Variants in SYT2 observed in about 807,000 individuals in gnomAD.
The protein encoded by SYT2 is synaptotagmin-2.
A neutral mutation model predicts 39.9 loss-of-function variants in SYT2; 15 were observed. That is an observed-to-expected ratio of 0.38 (90% CI 0.25 to 0.58). The LOEUF (loss-of-function observed/expected upper bound fraction) is 0.58. Ranked by LOEUF, SYT2 falls within the 20% of genes least tolerant of loss-of-function variation. The pLI is 0.70. For missense variants in SYT2, 389 were observed against 530.3 expected, an observed-to-expected ratio of 0.73 and a Z score of 2.62; for synonymous variants, 181 against 204.5, an observed-to-expected ratio of 0.89 and a Z score of 0.98.
Position 202,631,854 on chromosome 1 carries a change from C to T in SYT2, c.-17-26065G>A, listed in dbSNP as rs147304507. Among the ~76,000 whole-genome samples the T allele has an allele frequency of 6.5e-3, 992 of 152,250 alleles. 12 individuals are homozygous for T. Among genetic ancestry groups the T allele is most frequent in the African/African-American group, 0.023 (955 of 41,546 alleles). ...ACAGGACTCAGGTAAGGGGACACAG[C>T]GCTGACCTAGATGAAATTTGAGGTC... On this transcript the variant is annotated intron_variant, in intron 1 of 8. Coordinates refer to ENST00000367268, the MANE Select transcript of SYT2 (RefSeq NM_177402.5).
chr1:202,610,172 G>A (rs1390208282), intron 1 of SYT2, among the ~76,000 whole-genome samples: 1 of 152,110 alleles, frequency 6.6e-6, no homozygotes, highest in Non-Finnish European at 1.5e-5. Context: ...GTTTTTGTCA[G>A]GTTTGTCAAA....
chr1:202,632,944 G>C (rs1164167006), intron 1 of SYT2: 4 of 152,224 alleles, frequency 2.6e-5, no homozygotes, highest in African/African-American at 9.6e-5. Context: ...TGTATGTTAT[G>C]TGTTTGGCAC....
intron 1 of SYT2, among the ~76,000 whole-genome samples, chr1:202,640,790 G>GAGAGACAGAC (rs1691893942): frequency 1.7e-5 from 2 of 120,014 alleles, no homozygotes; most frequent in Admixed American, 8.4e-5. Flanking sequence ...GAGAGAGAGA[G>GAGAGACAGAC]AGACAGACAG....
chr1:202,655,021 G>A (rs1692254898), intron 1 of SYT2, among the ~76,000 whole-genome samples: 2 of 152,148 alleles, frequency 1.3e-5, no homozygotes, highest in South Asian at 4.1e-4. Flanking sequence ...TGTACTATGG[G>A]CCAAATGGGG....
intron 1 of SYT2, among the ~76,000 whole-genome samples, chr1:202,687,383 G>A (rs1318541571): frequency 1.3e-5 from 2 of 152,128 alleles, no homozygotes; most frequent in African/African-American, 4.8e-5. Flanking sequence ...ATCTCTACGT[G>A]AGTTACTCTC....
intron 1 of SYT2, among the ~76,000 whole-genome samples, chr1:202,686,480 T>G (rs1463682593): frequency 6.6e-6 from 1 of 152,136 alleles, no homozygotes; most frequent in African/African-American, 2.4e-5. Flanking sequence ...CTTCTCTCTT[T>G]CCTTCTTGAA....
In SYT2 at chr1:202,617,931, G is replaced by A. The variant is rs117699300; in HGVS notation, c.-17-12142C>T. Reference sequence around the variant, plus strand: ...TTGTTGTTGTTGTTGTTGAGATGGAGTCTCGCTGTCTGCCAGGCTGGAGTG... The same window carrying A: ...TTGTTGTTGTTGTTGTTGAGATGGAATCTCGCTGTCTGCCAGGCTGGAGTG... On this transcript the variant is annotated intron_variant, in intron 1 of 8. Transcript: ENST00000367268. 7.9e-4 allele frequency among the ~76,000 whole-genome samples: 121 copies of A among 152,244 alleles called. 1 individual carries two copies. The South Asian group carries it at 0.012, about 15-fold the overall frequency.
intron 1 of SYT2, among the ~76,000 whole-genome samples, chr1:202,687,549 G>A (rs569188926): frequency 2.7e-4 from 41 of 151,860 alleles, no homozygotes; most frequent in African/African-American, 9.2e-4. Context: ...GCACCTCTGC[G>A]GAAGAGGGCC....
Position 202,666,014 on chromosome 1 carries a change from G to A in SYT2, c.-18+44244C>T, listed in dbSNP as rs376654305. ...TAAAAATACAAAAAATTAGCCGGGC[G>A]TGGTGGCGGGCGCCTGTAGTCCCAG... is the stretch of plus-strand genomic sequence containing the variant. On this transcript the variant is annotated intron_variant, in intron 1 of 8. Coordinates refer to ENST00000367268, the MANE Select transcript of SYT2 (RefSeq NM_177402.5). Among the ~76,000 whole-genome samples, 20 of 150,788 alleles carry A rather than the reference G, an allele frequency of 1.3e-4. 1 individual carries two copies. The highest frequency in any genetic ancestry group is 7.9e-4 in the Admixed American group (12 of 15,254).
intron 1 of SYT2, among the ~76,000 whole-genome samples, chr1:202,678,862 C>A (rs76982540): frequency 6.6e-6 from 1 of 152,146 alleles, no homozygotes; most frequent in Non-Finnish European, 1.5e-5. Context: ...CCTGCTGCCA[C>A]GTTCAGAGTC....
At chr1:202,617,774 C>T (rs1572628243) in intron 1 of SYT2, among the ~76,000 whole-genome samples, 1 of 152,204 alleles carries the variant, frequency 6.6e-6, no homozygotes, top group African/African-American at 2.4e-5. Context: ...AAGCAGCCAC[C>T]TCATTGGTCT....
intron 1 of SYT2, among the ~76,000 whole-genome samples, chr1:202,640,790 G>GAGAGAC (rs1691893942): frequency 1.7e-4 from 21 of 120,078 alleles, no homozygotes; most frequent in Non-Finnish European, 2.7e-4. Context: ...GAGAGAGAGA[G>GAGAGAC]AGACAGACAG....
chr1:202,614,752 A>G lies in SYT2; in HGVS notation c.-17-8963T>C, dbSNP rs1254877256. 6.6e-6 allele frequency among the ~76,000 whole-genome samples: 1 copy of G among 152,222 alleles called. No individual in the cohort carries two copies. Among genetic ancestry groups the G allele is most frequent in the Non-Finnish European group, 1.5e-5 (1 of 68,030 alleles). On this transcript the variant is annotated intron_variant, in intron 1 of 8. Transcript: ENST00000367268. The surrounding 1 kb of genome is among the most constrained non-coding windows in gnomAD (Gnocchi z 4.0). ...GCAGCCTAGGCAGAGAGCACAGCCT[A>G]TGCAAAGGCCCAGAGGTGGGATGCA...
Position 202,594,620 on chromosome 1 carries a change from A to G in SYT2, c.*2137T>C, listed in dbSNP as rs1690225447. On this transcript the variant is annotated 3_prime_UTR_variant, in exon 9 of 9. Transcript: ENST00000367268. ...TCTGAAAACACCCTATTGTCCTACA[A>G]CTCTCTACCATGACCACACCTTTGG... The G allele has an allele frequency of 6.7e-6, 1 of 149,784 alleles. No homozygotes were observed. The highest frequency in any genetic ancestry group is 1.5e-5 in the Non-Finnish European group (1 of 67,536). The allele number at this position is 149,784 out of a possible 1,614,324, so 9.3% of individuals were successfully genotyped here. A position where few individuals can be genotyped will look rare whatever the true frequency, so the allele number is the denominator to read the frequency against.
intron 1 of SYT2, among the ~76,000 whole-genome samples, chr1:202,637,677 G>A (rs571000983): frequency 5.2e-5 from 8 of 152,396 alleles, no homozygotes; most frequent in African/African-American, 1.9e-4. Flanking sequence ...AGGTGCTGCA[G>A]TATCTCTCCT....
chr1:202,637,416 G>A (rs897331344), intron 1 of SYT2, among the ~76,000 whole-genome samples: 6 of 152,208 alleles, frequency 3.9e-5, no homozygotes, highest in African/African-American at 4.8e-5. Flanking sequence ...CACACGAGTC[G>A]GCTCAGGACA....
intron 1 of SYT2, among the ~76,000 whole-genome samples, chr1:202,664,466 C>T (rs1174905277): frequency 6.6e-6 from 1 of 152,168 alleles, no homozygotes; most frequent in Non-Finnish European, 1.5e-5. Flanking sequence ...TATGCACTTT[C>T]CCACCACCCC....
intron 1 of SYT2, among the ~76,000 whole-genome samples, chr1:202,634,632 C>T (rs1330778032): frequency 1.3e-5 from 2 of 152,138 alleles, no homozygotes; most frequent in African/African-American, 4.8e-5. Flanking sequence ...ATCAACCAAA[C>T]ATCCATCAAC....
At chr1:202,639,973 C>T in intron 1 of SYT2, 1 of 308,764 alleles carries the variant, frequency 3.2e-6, no homozygotes, top group Non-Finnish European at 4.7e-6. Context: ...ACACTACAGA[C>T]TTCCTATTCC....
Sources: gnomAD v4.1 joint callset for allele counts (sites outside exome capture counted in the v4.1 genomes callset) on GRCh38, gnomAD v4.1.1 for gene constraint, Gnocchi (gnomAD v3.1) non-coding constraint, MANE v1.5 for transcripts, NCBI Gene and HGNC (gene_info 2026-07-23, HGNC 2026-07-21) for gene names.